Variants in CAMK1G observed in about 807,000 individuals in gnomAD.
CAMK1G encodes calcium/calmodulin-dependent protein kinase type 1G.
Under a neutral mutation model 54.8 loss-of-function variants are expected in CAMK1G, and 27 were observed. The observed-to-expected ratio is 0.49, with a 90% CI of 0.36 to 0.68. The LOEUF (loss-of-function observed/expected upper bound fraction) is 0.68. Among genes scored for constraint, CAMK1G ranks in the 30% least tolerant of loss-of-function variants. CAMK1G has a pLI of 0.00. For synonymous variants in CAMK1G, 238 were observed against 224.9 expected, an observed-to-expected ratio of 1.06 and a Z score of -0.52; for missense variants, 512 against 591.0, an observed-to-expected ratio of 0.87 and a Z score of 1.39.
rs1665829626 is a variant in CAMK1G at position 209,613,223 on chromosome 1, A to T, written c.*221A>T. The T allele has an allele frequency of 3.9e-6, 1 of 258,818 alleles. No individual in the cohort carries two copies. Among genetic ancestry groups the T allele is most frequent in the African/African-American group, 2.2e-5 (1 of 46,036 alleles). The allele number at this position is 258,818 out of a possible 1,614,324, so 16.0% of individuals were successfully genotyped here. On this transcript the variant is annotated 3_prime_UTR_variant, in exon 13 of 13. Transcript: ENST00000361322. Reference sequence around the variant, plus strand: ...GCCCCAAGGCGTAGAAGCCTTGTTGAAGCTGTGAGCAGGAGAAGCGGTGCC... The same window carrying T: ...GCCCCAAGGCGTAGAAGCCTTGTTGTAGCTGTGAGCAGGAGAAGCGGTGCC...
intron 9 of CAMK1G, 98 bp downstream of exon 9, chr1:209,610,027 T>C (rs868357603): frequency 2.0e-6 from 2 of 977,492 alleles, no homozygotes; most frequent in Middle Eastern, 4.1e-4. Flanking sequence ...CTGCTTGTCC[T>C]GATCCATTTA....
chr1:209,612,842 G>T lies in CAMK1G; in HGVS notation c.1398G>T (p.Arg466=). The T allele has an allele frequency of 6.2e-7, 1 of 1,613,746 alleles. No individual in the cohort carries two copies. ...AAGCCAGTGGCAGCTCCCACTGCCG[G>T]GCAGGGCAGACTGGAGTCTGTCTCA... ...PVKASGSSHC[R]AGQTGVCLIM is the part of the protein sequence containing the mutation. Residue 466 remains arginine, a synonymous_variant, in exon 12 of 13, where the codon CGG becomes CGT. Transcript: ENST00000361322.
At chr1:209,609,389 T>C (rs75958676) in intron 8 of CAMK1G, among the ~76,000 whole-genome samples, 2,958 of 151,574 alleles carry the variant, frequency 0.02, 118 homozygotes, top group African/African-American at 0.068. Flanking sequence ...GAGGGGAGAG[T>C]TCCAGACAAG....
At chr1:209,595,124 G>A (rs768610380) in intron 2 of CAMK1G, 49 bp downstream of exon 2, 24 of 1,295,120 alleles carry the variant, frequency 1.9e-5, no homozygotes, top group Admixed American at 1.5e-4. Context: ...CCTGCAGTGG[G>A]AGGTTAGAAG....
chr1:209,611,252 G>C (rs1242998910), intron 9 of CAMK1G, among the ~76,000 whole-genome samples: 1 of 152,216 alleles, frequency 6.6e-6, no homozygotes, highest in Admixed American at 6.5e-5. Context: ...TGTTGACCTT[G>C]CTCTAAAAGT....
chr1:209,612,312 C>T, intron 11 of CAMK1G, 96 bp downstream of exon 11: 1 of 1,333,136 alleles, frequency 7.5e-7, no homozygotes, highest in Non-Finnish European at 1.0e-6. Flanking sequence ...CTCTCCCACT[C>T]ATAGGCAGCT....
chr1:209,610,334 G>C (rs951628141), intron 9 of CAMK1G, among the ~76,000 whole-genome samples: 1 of 152,180 alleles, frequency 6.6e-6, no homozygotes. Flanking sequence ...CAAAGCAACC[G>C]ATTGGCAAAA....
chr1:209,611,615 G>C lies in CAMK1G; in HGVS notation c.915+63G>C, dbSNP rs1571788657. The C allele has an allele frequency of 4.6e-6, 7 of 1,531,488 alleles. No homozygotes were observed. In the African/African-American group the frequency reaches 8.2e-5, roughly 18 times the overall value. 94.9% of individuals were successfully genotyped at this position (1,531,488 alleles called of 1,614,324 possible). On this transcript the variant is annotated intron_variant, in intron 10 of 12. Coordinates refer to ENST00000361322, the MANE Select transcript of CAMK1G (RefSeq NM_020439.3). ...GGGCCCCTGGAGGCTGGGCTGGCAG[G>C]GGCTGACATAAGGGCTTTCCTTGGG... is the stretch of plus-strand genomic sequence containing the variant.
rs569625778 is a variant in CAMK1G, at chr1:209,597,205, G to A, written c.92+2130G>A. On this transcript the variant is annotated intron_variant, in intron 2 of 12. Transcript: ENST00000361322. Reference sequence around the variant, plus strand: ...CTTTTATCTAGCCTGTTGTCTGCTCGGGCAGGAAATATAATAATTATCATA... The same window carrying A: ...CTTTTATCTAGCCTGTTGTCTGCTCAGGCAGGAAATATAATAATTATCATA... Among the ~76,000 whole-genome samples the A allele has an allele frequency of 6.6e-5, 10 of 152,180 alleles. No homozygotes were observed. In the East Asian group the frequency reaches 7.7e-4, roughly 12 times the overall value.
chr1:209,586,567 C>T (rs1457387386), intron 1 of CAMK1G, among the ~76,000 whole-genome samples: 7 of 152,094 alleles, frequency 4.6e-5, no homozygotes, highest in Admixed American at 2.0e-4. Context: ...CTGTTTAAGT[C>T]CTTATTGGTT....
chr1:209,590,337 G>C (rs12094286), intron 1 of CAMK1G, among the ~76,000 whole-genome samples: 4,284 of 152,198 alleles, frequency 0.028, 176 homozygotes, highest in East Asian at 0.22. Flanking sequence ...GTCTTGAGGC[G>C]ATCACTCTGG....
chr1:209,610,990 T>G (rs1268962371), intron 9 of CAMK1G, among the ~76,000 whole-genome samples: 1 of 152,094 alleles, frequency 6.6e-6, no homozygotes, highest in Non-Finnish European at 1.5e-5. Context: ...TAGGCAAGGT[T>G]TTGAGCTAAA....
chr1:209,589,784 AC>A (rs1289166690), intron 1 of CAMK1G, among the ~76,000 whole-genome samples: 1 of 152,116 alleles, frequency 6.6e-6, no homozygotes, highest in Non-Finnish European at 1.5e-5. Flanking sequence ...TTAAGGCCAG[AC>A]TCCTATCATA....
intron 7 of CAMK1G, among the ~76,000 whole-genome samples, chr1:209,608,723 A>G (rs1665709031): frequency 6.6e-6 from 1 of 152,162 alleles, no homozygotes; most frequent in Non-Finnish European, 1.5e-5. Flanking sequence ...GTATAAGGAG[A>G]GGTGGCAAGG....
At chr1:209,606,718 G>C (rs189536770) in intron 6 of CAMK1G, among the ~76,000 whole-genome samples, 1 of 152,174 alleles carries the variant, frequency 6.6e-6, no homozygotes, top group Non-Finnish European at 1.5e-5. Flanking sequence ...TAGACTTCCA[G>C]CCTTTGTCTT....
intron 1 of CAMK1G, among the ~76,000 whole-genome samples, chr1:209,584,223 A>G (rs1423207512): frequency 6.6e-6 from 1 of 152,002 alleles, no homozygotes; most frequent in Non-Finnish European, 1.5e-5. Flanking sequence ...CCATCAAATA[A>G]AGTATGCCCT....
chr1:209,592,865 C>T (rs1665292382), intron 1 of CAMK1G, among the ~76,000 whole-genome samples: 1 of 152,130 alleles, frequency 6.6e-6, no homozygotes, highest in South Asian at 2.1e-4. Context: ...GAAGAGGTTC[C>T]CTCTATTCCA....
At chr1:209,600,203 C>A in intron 3 of CAMK1G, 92 bp downstream of exon 3, 2 of 1,444,570 alleles carry the variant, frequency 1.4e-6, no homozygotes, top group Non-Finnish European at 9.4e-7. Flanking sequence ...TGGATTTCTG[C>A]ACCCAAAGGC....
At chr1:209,590,701 G>A (rs966564966) in intron 1 of CAMK1G, among the ~76,000 whole-genome samples, 1 of 152,064 alleles carries the variant, frequency 6.6e-6, no homozygotes, top group Non-Finnish European at 1.5e-5. Context: ...TGGAAAAGCA[G>A]CATCCACAGC....
Sources: allele counts gnomAD v4.1 joint callset (sites outside exome capture counted in the v4.1 genomes callset), GRCh38; gene constraint gnomAD v4.1.1; transcripts MANE v1.5; gene names NCBI Gene and HGNC (gene_info 2026-07-23, HGNC 2026-07-21).